The following RCOR1 variants were observed in gnomAD, a reference collection of about 807,000 sequenced individuals.
The protein encoded by RCOR1 is REST corepressor 1.
A neutral mutation model predicts 64.0 loss-of-function variants in RCOR1; 12 were observed. The observed-to-expected ratio is 0.19, with a 90% CI of 0.12 to 0.30. The LOEUF (loss-of-function observed/expected upper bound fraction) is 0.30. RCOR1 is among the 10% of genes least tolerant of loss of function. RCOR1 has a pLI of 1.00. For synonymous variants in RCOR1, 279 were observed against 227.2 expected (o/e 1.23, Z -2.05); for missense variants, 502 against 621.2 (o/e 0.81, Z 2.04).
At chr14:102,658,498 A>T in intron 2 of RCOR1, 1 of 981,954 alleles carries the variant, frequency 1.0e-6, no homozygotes, top group African/African-American at 1.7e-5. Context: ...ATAATAATAA[A>T]AATGGTTTTC....
At chr14:102,609,226 A>G (rs933421547) in intron 2 of RCOR1, among the ~76,000 whole-genome samples, 7 of 150,828 alleles carry the variant, frequency 4.6e-5, no homozygotes, top group Admixed American at 3.3e-4. Flanking sequence ...TTGTATTTTT[A>G]GTAGAGATGG....
intron 3 of RCOR1, among the ~76,000 whole-genome samples, chr14:102,684,898 C>T (rs1895384272): frequency 6.6e-6 from 1 of 152,094 alleles, no homozygotes; most frequent in South Asian, 2.1e-4. Context: ...GTATGTTTAA[C>T]AATTACTCTA....
Position 102,592,977 on chromosome 14 carries a change from TCCGCCG to T in RCOR1, c.97_102del (p.Ala33_Ala34del), listed in dbSNP as rs1893160866. ...CGCCTCCGCCTCCGCCGCCGCCGCC[TCCGCCG>T]CCGCCTCGGCCGCCTGCGCCTCGCC... On this transcript the variant is annotated inframe_deletion, in exon 1 of 12. Coordinates refer to ENST00000262241, the MANE Select transcript of RCOR1 (RefSeq NM_015156.4). 6.1e-6 allele frequency: 7 copies of T among 1,153,634 alleles called. No homozygotes were observed. The highest frequency in any genetic ancestry group is 3.6e-4 in the Middle Eastern group (1 of 2,782). 71.5% of individuals were successfully genotyped at this position (1,153,634 alleles called of 1,614,324 possible).
chr14:102,707,780 T>G (rs1039295472), intron 5 of RCOR1, among the ~76,000 whole-genome samples: 17 of 144,182 alleles, frequency 1.2e-4, no homozygotes, highest in African/African-American at 4.0e-4. Flanking sequence ...CCCAAAAGAT[T>G]AGACCCATAC....
At chr14:102,667,500 C>CAATAAT (rs765477130) in intron 2 of RCOR1, among the ~76,000 whole-genome samples, 17 of 151,470 alleles carry the variant, frequency 1.1e-4, no homozygotes, top group Admixed American at 3.3e-4. Flanking sequence ...GACTCTGTCT[C>CAATAAT]AATAATAATA....
chr14:102,684,954 G>T (rs1239326020), intron 3 of RCOR1, among the ~76,000 whole-genome samples: 2 of 152,076 alleles, frequency 1.3e-5, no homozygotes, highest in African/African-American at 4.8e-5. Context: ...GGAAGTCTTG[G>T]TTGTCCAGCA....
At chr14:102,593,241 C>T (rs1280973135) in intron 1 of RCOR1, 25 bp from the exon 2 acceptor site, 12 of 1,498,082 alleles carry the variant, frequency 8.0e-6, no homozygotes, top group Non-Finnish European at 9.7e-6. Context: ...GCCGCGCTGA[C>T]CGCCGTATTC....
rs180987428 is a variant in RCOR1, at chr14:102,617,839, C to T, written c.361+24514C>T. On this transcript the variant is annotated intron_variant, in intron 2 of 11. Coordinates refer to ENST00000262241, the MANE Select transcript of RCOR1 (RefSeq NM_015156.4). ...TCCTGACCTTGTGATCTGCCTGCCT[C>T]GGCTTCCCACAGTCCTGGGATTACA... Among the ~76,000 whole-genome samples, 855 of 152,096 alleles carry T rather than the reference C, an allele frequency of 5.6e-3. 4 individuals carry two copies. Among genetic ancestry groups the T allele is most frequent in the Non-Finnish European group, 8.0e-3 (546 of 67,976 alleles).
chr14:102,598,305 A>G (rs1018949654), intron 2 of RCOR1, among the ~76,000 whole-genome samples: 5 of 152,050 alleles, frequency 3.3e-5, no homozygotes, highest in Admixed American at 3.3e-4. Context: ...GCTTGACCCT[A>G]TTTAGGTTTG....
intron 2 of RCOR1, among the ~76,000 whole-genome samples, chr14:102,612,825 C>T (rs144624257): frequency 7.2e-5 from 11 of 151,770 alleles, no homozygotes; most frequent in South Asian, 4.2e-4. Flanking sequence ...CTTGTCTCTA[C>T]GTGCACCTGT....
At chr14:102,698,476 A>T (rs1411734459) in intron 3 of RCOR1, among the ~76,000 whole-genome samples, 1 of 152,220 alleles carries the variant, frequency 6.6e-6, no homozygotes, top group Non-Finnish European at 1.5e-5. Context: ...TAAGGTAGAT[A>T]ATAGTGTGCT....
rs540343844 is a variant in RCOR1 at position 102,651,337 on chromosome 14, G to A, written c.362-30558G>A. 2.6e-5 allele frequency among the ~76,000 whole-genome samples: 4 copies of A among 152,024 alleles called. No individual in the cohort carries two copies. In the East Asian group the frequency reaches 7.7e-4, roughly 29 times the overall value. ...TAGGAGGCCGAGGAAGGCGGATCATGAGGTCAGGAGGTTGAGATGAGCCTG... is the reference window on the plus strand; with the variant it reads ...TAGGAGGCCGAGGAAGGCGGATCATAAGGTCAGGAGGTTGAGATGAGCCTG... On this transcript the variant is annotated intron_variant, in intron 2 of 11. Transcript: ENST00000262241.
rs142954658 is a variant in RCOR1, at chr14:102,657,038, G to A, written c.362-24857G>A. The A allele has an allele frequency of 8.2e-5, 79 of 958,766 alleles. 3 individuals are homozygous for A. The East Asian group carries it at 7.1e-3, about 86-fold the overall frequency. 59.4% of individuals were successfully genotyped at this position (958,766 alleles called of 1,614,324 possible). ...GATCCACCCGCATCAGCCTCCCAAA[G>A]TGCTGGGATTATAAGCGTGAATCAC... On this transcript the variant is annotated intron_variant, in intron 2 of 11. Transcript: ENST00000262241.
In RCOR1 at chr14:102,662,475, A is replaced by G. The variant is rs1053646241; in HGVS notation, c.362-19420A>G. The G allele has an allele frequency of 1.1e-4, 57 of 534,898 alleles. 1 individual carries two copies. The highest frequency in any genetic ancestry group is 1.5e-4 in the Non-Finnish European group (42 of 271,468). The allele number at this position is 534,898 out of a possible 1,614,324, so 33.1% of individuals were successfully genotyped here. A position where few individuals can be genotyped will look rare whatever the true frequency, so the allele number is the denominator to read the frequency against. ...ATGGCAGACTCAGTGGTCAGCGGCAACTTGATGATAATATGGTGGTCAAGC... is the reference window on the plus strand; with the variant it reads ...ATGGCAGACTCAGTGGTCAGCGGCAGCTTGATGATAATATGGTGGTCAAGC... On this transcript the variant is annotated intron_variant, in intron 2 of 11. Transcript: ENST00000262241.
chr14:102,622,362 C>T (rs957979317), intron 2 of RCOR1, among the ~76,000 whole-genome samples: 1 of 152,124 alleles, frequency 6.6e-6, no homozygotes, highest in Non-Finnish European at 1.5e-5. Context: ...GTTCCTGGCA[C>T]GATTCCAGTC....
intron 3 of RCOR1, among the ~76,000 whole-genome samples, chr14:102,683,721 G>T (rs1213407749): frequency 1.3e-5 from 2 of 152,202 alleles, no homozygotes; most frequent in Non-Finnish European, 2.9e-5. Flanking sequence ...CAGTGCGCTC[G>T]GCCACGCTTA....
chr14:102,698,703 T>G (rs986510914), intron 3 of RCOR1, among the ~76,000 whole-genome samples: 4 of 152,152 alleles, frequency 2.6e-5, no homozygotes, highest in African/African-American at 9.7e-5. Flanking sequence ...TGCTGTCTGT[T>G]TCTAGGTCTG....
At chr14:102,626,724 G>A (rs561461883) in intron 2 of RCOR1, among the ~76,000 whole-genome samples, 1 of 152,330 alleles carries the variant, frequency 6.6e-6, no homozygotes, top group Admixed American at 6.5e-5. Context: ...CACTGGGGAG[G>A]TAGAGACCAC....
At chr14:102,625,481 C>T (rs1171058366) in intron 2 of RCOR1, among the ~76,000 whole-genome samples, 6 of 149,876 alleles carry the variant, frequency 4.0e-5, no homozygotes, top group Admixed American at 1.3e-4. Flanking sequence ...GTAATCTCCC[C>T]GCTTCGGCCT....
Sources: gnomAD v4.1 joint callset for allele counts (sites outside exome capture counted in the v4.1 genomes callset) on GRCh38, gnomAD v4.1.1 for gene constraint, MANE v1.5 for transcripts, NCBI Gene and HGNC (gene_info 2026-07-23, HGNC 2026-07-21) for gene names.